Variants in NR3C2 observed in about 807,000 individuals in gnomAD.
NR3C2 encodes the protein mineralocorticoid receptor.
A neutral mutation model predicts 86.4 loss-of-function variants in NR3C2; 15 were observed. That is an observed-to-expected ratio of 0.17 (90% CI 0.12 to 0.27). NR3C2 has a LOEUF of 0.27. NR3C2 is among the 10% of genes least tolerant of loss of function. NR3C2 has a pLI of 1.00. For synonymous variants in NR3C2, 458 were observed against 450.5 expected (o/e 1.02, Z -0.21); for missense variants, 960 against 1,195.6 (o/e 0.80, Z 2.91).
At chr4:148,225,637 G>A (rs1334877139) in intron 3 of NR3C2, among the ~76,000 whole-genome samples, 2 of 151,984 alleles carry the variant, frequency 1.3e-5, no homozygotes, top group African/African-American at 4.8e-5. Flanking sequence ...GAAATAATTA[G>A]AGCTTTTTTG....
intron 2 of NR3C2, among the ~76,000 whole-genome samples, chr4:148,337,509 T>A (rs1022744157): frequency 7.9e-5 from 12 of 152,216 alleles, no homozygotes; most frequent in Non-Finnish European, 1.3e-4. Context: ...AGTTGAAACA[T>A]AAAGAAGAAA....
At chr4:148,300,258 C>T (rs746180447) in intron 2 of NR3C2, among the ~76,000 whole-genome samples, 9 of 152,164 alleles carry the variant, frequency 5.9e-5, no homozygotes, top group African/African-American at 1.4e-4. Flanking sequence ...AGTCCTTTCT[C>T]GTTTGACATT....
intron 8 of NR3C2, among the ~76,000 whole-genome samples, chr4:148,082,850 T>G (rs967597485): frequency 6.6e-6 from 1 of 152,010 alleles, no homozygotes; most frequent in Non-Finnish European, 1.5e-5. Context: ...CACAGCAGTC[T>G]GAAGTCGACC....
intron 2 of NR3C2, among the ~76,000 whole-genome samples, chr4:148,273,543 A>T (rs1161719291): frequency 6.6e-6 from 1 of 152,120 alleles, no homozygotes; most frequent in African/African-American, 2.4e-5. Flanking sequence ...TAATTTAGTA[A>T]AACTTACCCA....
intron 8 of NR3C2, among the ~76,000 whole-genome samples, chr4:148,094,727 CA>C (rs1454229647): frequency 8.4e-6 from 1 of 118,768 alleles, no homozygotes; most frequent in Non-Finnish European, 1.7e-5. Context: ...AAAAAAAAAA[CA>C]AAAAAAACAA....
Position 148,238,136 on chromosome 4 carries a change from T to C in NR3C2, c.1897+21842A>G, listed in dbSNP as rs534927961. ...TTGCAAAAGTATCTATTTTCAGGCA[T>C]CCTCGCTTAAGAAGCCCTCAGCAGG... On this transcript the variant is annotated intron_variant, in intron 3 of 8. Transcript: ENST00000358102. Among the ~76,000 whole-genome samples the C allele has an allele frequency of 3.3e-5, 5 of 152,292 alleles. No individual in the cohort carries two copies. The South Asian group carries it at 1.0e-3, about 32-fold the overall frequency.
chr4:148,124,736 C>T (rs10023233), intron 6 of NR3C2, among the ~76,000 whole-genome samples: 18,531 of 152,198 alleles, frequency 0.12, 1,269 homozygotes, highest in South Asian at 0.19. Context: ...TGGACCTTCT[C>T]CTCATGTCTT....
chr4:148,442,801 C>G, upstream of NR3C2: 1 of 985,452 alleles, frequency 1.0e-6, no homozygotes, highest in Non-Finnish European at 1.2e-6. Flanking sequence ...GCCCCCACCC[C>G]CATCGCTCGG....
At chr4:148,103,689 G>A (rs1731644565) in intron 8 of NR3C2, among the ~76,000 whole-genome samples, 1 of 152,170 alleles carries the variant, frequency 6.6e-6, no homozygotes, top group Non-Finnish European at 1.5e-5. Flanking sequence ...CAAACCCTAG[G>A]GGAGCTCCGA....
chr4:148,381,859 C>T (rs1275038658), intron 2 of NR3C2, among the ~76,000 whole-genome samples: 1 of 152,120 alleles, frequency 6.6e-6, no homozygotes, highest in African/African-American at 2.4e-5. Context: ...GGTCTAACCA[C>T]CCCAATATAC....
intron 1 of NR3C2, among the ~76,000 whole-genome samples, chr4:148,439,502 C>T (rs1259372227): frequency 2.0e-5 from 3 of 152,132 alleles, no homozygotes; most frequent in African/African-American, 7.2e-5. Flanking sequence ...GCACACTCTG[C>T]GTCACTCACA....
intron 6 of NR3C2, among the ~76,000 whole-genome samples, chr4:148,123,545 T>A (rs1319172739): frequency 6.6e-6 from 1 of 152,228 alleles, no homozygotes; most frequent in African/African-American, 2.4e-5. Flanking sequence ...TAAAACTTGC[T>A]GGTTTTGAGG....
At chr4:148,385,650 G>A (rs1747226328) in intron 2 of NR3C2, among the ~76,000 whole-genome samples, 1 of 152,206 alleles carries the variant, frequency 6.6e-6, no homozygotes, top group East Asian at 1.9e-4. Flanking sequence ...GAGGAAAGGA[G>A]GAAAGAGAGA....
At chr4:148,227,338 C>G (rs1738228283) in intron 3 of NR3C2, among the ~76,000 whole-genome samples, 1 of 152,034 alleles carries the variant, frequency 6.6e-6, no homozygotes, top group Non-Finnish European at 1.5e-5. Flanking sequence ...GACGTTCTAC[C>G]CTTCTCAGTG....
At chr4:148,158,536 G>T (rs1306600436) in intron 4 of NR3C2, among the ~76,000 whole-genome samples, 1 of 152,094 alleles carries the variant, frequency 6.6e-6, no homozygotes, top group East Asian at 1.9e-4. Flanking sequence ...CCATAATTTT[G>T]TAAGCATTAA....
intron 2 of NR3C2, among the ~76,000 whole-genome samples, chr4:148,373,053 G>C (rs1263008690): frequency 6.6e-6 from 1 of 152,124 alleles, no homozygotes; most frequent in Non-Finnish European, 1.5e-5. Flanking sequence ...ATTTCTAATG[G>C]AATTAAACAT....
At chr4:148,259,518 T>C (rs1382586701) in intron 3 of NR3C2, among the ~76,000 whole-genome samples, 1 of 152,220 alleles carries the variant, frequency 6.6e-6, no homozygotes, top group African/African-American at 2.4e-5. Flanking sequence ...TTGAACCAGC[T>C]GGTAAATGAA....
At chr4:148,242,802 A>G (rs1282822083) in intron 3 of NR3C2, among the ~76,000 whole-genome samples, 1 of 152,220 alleles carries the variant, frequency 6.6e-6, no homozygotes, top group Non-Finnish European at 1.5e-5. Context: ...GTTTGCATAT[A>G]TAAGAAGCTG....
chr4:148,272,495 G>A (rs368535448), intron 2 of NR3C2, among the ~76,000 whole-genome samples: 1 of 152,076 alleles, frequency 6.6e-6, no homozygotes, highest in Non-Finnish European at 1.5e-5. Context: ...AGGACCCTTG[G>A]AATTTATTTA....
Sources: gnomAD v4.1 joint callset for allele counts (sites outside exome capture counted in the v4.1 genomes callset) on GRCh38, gnomAD v4.1.1 for gene constraint, MANE v1.5 for transcripts, NCBI Gene and HGNC (gene_info 2026-07-23, HGNC 2026-07-21) for gene names.